Variants in MYLK3 observed in about 807,000 individuals in gnomAD.
The protein encoded by MYLK3 is MLC kinase.
In MYLK3, 55 loss-of-function variants were observed where a neutral mutation model predicts 76.3. The ratio of observed to expected loss-of-function variants is 0.72; its 90% CI spans 0.58 to 0.90. MYLK3 has a LOEUF of 0.90. MYLK3 is among the 40% of genes least tolerant of loss of function. The pLI, the probability that MYLK3 is intolerant of heterozygous loss-of-function variation, is 0.00. For missense variants in MYLK3, 973 were observed against 1,053.6 expected, an observed-to-expected ratio of 0.92 and a Z score of 1.06; for synonymous variants, 416 against 425.4, an observed-to-expected ratio of 0.98 and a Z score of 0.27.
chr16:46,755,563 T>G (rs528133743), intron 1 of MYLK3, among the ~76,000 whole-genome samples: 1 of 149,750 alleles, frequency 6.7e-6, no homozygotes, highest in Non-Finnish European at 1.5e-5. Flanking sequence ...GGAAAAAGAG[T>G]GTACAATAGA....
At chr16:46,717,718 A>G (rs1966758512) in intron 9 of MYLK3, among the ~76,000 whole-genome samples, 1 of 151,902 alleles carries the variant, frequency 6.6e-6, no homozygotes, top group Non-Finnish European at 1.5e-5. Flanking sequence ...TAATTAGCAA[A>G]CCCTGGCAAA....
At chr16:46,719,437 C>T (rs140387032) in intron 9 of MYLK3, among the ~76,000 whole-genome samples, 73 of 152,190 alleles carry the variant, frequency 4.8e-4, no homozygotes, top group African/African-American at 1.6e-3. Context: ...GCCATGTTTA[C>T]GAACTGAGGA....
Position 46,732,528 on chromosome 16 carries a change from C to A in MYLK3, c.1142G>T (p.Cys381Phe), listed in dbSNP as rs1486288890. 4 of 1,603,662 alleles carry A rather than the reference C, an allele frequency of 2.5e-6. No homozygotes were observed. Among genetic ancestry groups the A allele is most frequent in the East Asian group, 4.5e-5 (2 of 44,856 alleles). ...GKQGPPGTGR[C>F]LQAPGTEPGE... is the part of the protein sequence containing the mutation. Reference sequence around the variant, plus strand: ...GGGCTCAGTCCCAGGGGCTTGGAGGCAGCGCCCGGTCCCAGGTGGGCCCTG... The same window carrying A: ...GGGCTCAGTCCCAGGGGCTTGGAGGAAGCGCCCGGTCCCAGGTGGGCCCTG... Residue 381 changes from cysteine to phenylalanine, a missense_variant, in exon 4 of 13, where the codon TGC becomes TTC. Physicochemically the swap from Cys to Phe is radical, Grantham distance 205. This residue lies in a region of MYLK3 where 641 missense variants were observed against 637.0 expected (regional missense o/e 1.01). Transcript: ENST00000394809.
chr16:46,744,857 T>C (rs1966996688), intron 1 of MYLK3, among the ~76,000 whole-genome samples: 1 of 152,040 alleles, frequency 6.6e-6, no homozygotes. Flanking sequence ...ATAAACAAAG[T>C]TATTCACTTT....
chr16:46,741,968 G>T (rs542250695), intron 1 of MYLK3, among the ~76,000 whole-genome samples: 38 of 152,066 alleles, frequency 2.5e-4, no homozygotes, highest in Non-Finnish European at 4.4e-4. Context: ...ATAGAGACAA[G>T]GTACTCACTT....
chr16:46,744,357 AAG>A (rs1966985875), intron 1 of MYLK3, among the ~76,000 whole-genome samples: 1 of 3,896 alleles, frequency 2.6e-4, no homozygotes, highest in African/African-American at 7.4e-4. Flanking sequence ...TTTTTTTTTT[AAG>A]ATGGTGTTTT....
chr16:46,708,266 CTTA>C (rs1404799540), intron 12 of MYLK3, among the ~76,000 whole-genome samples: 1 of 152,074 alleles, frequency 6.6e-6, no homozygotes, highest in African/African-American at 2.4e-5. Context: ...AGAACAGTGT[CTTA>C]TTTTTATTTT....
Position 46,747,742 on chromosome 16 carries a change from C to T in MYLK3, c.452G>A (p.Gly151Asp). 6.2e-7 allele frequency: 1 copy of T among 1,613,966 alleles called. No individual in the cohort carries two copies. The highest frequency in any genetic ancestry group is 8.5e-7 in the Non-Finnish European group (1 of 1,179,968). Residue 151 changes from glycine to aspartate, a missense_variant, in exon 1 of 13, where the codon GGC (glycine) becomes GAC (aspartate). Transcript: ENST00000394809. ...LMQGRVPWRR[G>D]SPGDSPEENK... ...CTCCTCAGGGCTGTCACCTGGGCTG[C>T]CTCTCCTCCAGGGCACACGCCCCTG...
intron 1 of MYLK3, chr16:46,757,583 G>A (rs964800551): frequency 4.1e-5 from 40 of 985,322 alleles, no homozygotes; most frequent in South Asian, 4.7e-5. Context: ...CGCCCGGAGC[G>A]CTGGGAATGA....
At chr16:46,735,162 C>T (rs907118796) in intron 3 of MYLK3, among the ~76,000 whole-genome samples, 6 of 151,416 alleles carry the variant, frequency 4.0e-5, no homozygotes, top group Non-Finnish European at 8.8e-5. Flanking sequence ...AGGAGGGGGG[C>T]GCTAAGATGT....
chr16:46,720,972 G>T, intron 9 of MYLK3, 151 bp downstream of exon 9: 1 of 715,478 alleles, frequency 1.4e-6, no homozygotes, highest in Non-Finnish European at 2.5e-6. Context: ...AGGCCTGTCT[G>T]CAAGTCAAAG....
Position 46,748,078 on chromosome 16 carries a change from A to G in MYLK3, c.116T>C (p.Leu39Pro). 1 of 1,614,232 alleles carries G rather than the reference A, an allele frequency of 6.2e-7. No homozygotes were observed. ...TGTGACATCTTCTTGGAAGTGCAGG[A>G]GCTGGTCCACCTTCTCGTTCAGCAT... Reference protein sequence around the residue: ...LNMLNEKVDQLLHFQEDVTEK... With the variant: ...LNMLNEKVDQPLHFQEDVTEK... Residue 39 changes from leucine to proline, a missense_variant, in exon 1 of 13, where the codon CTC becomes CCC. Physicochemically the swap from Leu to Pro is moderately conservative, Grantham distance 98. This residue lies in a region of MYLK3 where 641 missense variants were observed against 637.0 expected (regional missense o/e 1.01). Coordinates refer to ENST00000394809, the MANE Select transcript of MYLK3 (RefSeq NM_182493.3). This position sits in a 1 kb window ranked among gnomAD's most constrained non-coding sequence, Gnocchi z 4.3.
chr16:46,732,108 T>C, intron 4 of MYLK3, 100 bp downstream of exon 4: 1 of 1,043,736 alleles, frequency 9.6e-7, no homozygotes, highest in Non-Finnish European at 1.4e-6. Flanking sequence ...CAGACTCATA[T>C]GATCTACCCC....
chr16:46,739,112 A>G (rs1047464281), intron 2 of MYLK3, among the ~76,000 whole-genome samples: 2 of 152,136 alleles, frequency 1.3e-5, no homozygotes, highest in African/African-American at 4.8e-5. Flanking sequence ...AAGTGCTGGG[A>G]TTACAGGTGT....
chr16:46,742,887 G>C (rs56062411), intron 1 of MYLK3, among the ~76,000 whole-genome samples: 1 of 152,186 alleles, frequency 6.6e-6, no homozygotes, highest in African/African-American at 2.4e-5. Context: ...CCGGAGCTGG[G>C]GGAACTGGAG....
At chr16:46,759,041 C>A (rs1041116367) in intron 1 of MYLK3, among the ~76,000 whole-genome samples, 1 of 152,238 alleles carries the variant, frequency 6.6e-6, no homozygotes, top group Non-Finnish European at 1.5e-5. Context: ...GGGAGTAAAA[C>A]CAAAGTGCAA....
At chr16:46,750,123 G>A (rs375159046), upstream of MYLK3, among the ~76,000 whole-genome samples, 88 of 152,284 alleles carry the variant, frequency 5.8e-4, no homozygotes, top group African/African-American at 1.9e-3. Context: ...TCCCCCACCC[G>A]ACCAGGGCAG....
At chr16:46,714,916 T>C (rs1350351270) in intron 9 of MYLK3, among the ~76,000 whole-genome samples, 1 of 152,212 alleles carries the variant, frequency 6.6e-6, no homozygotes, top group Non-Finnish European at 1.5e-5. Context: ...TATTTGTTTT[T>C]GTTGTTGTTT....
chr16:46,731,131 A>G (rs1355346321), intron 4 of MYLK3, among the ~76,000 whole-genome samples: 3 of 152,228 alleles, frequency 2.0e-5, no homozygotes, highest in Non-Finnish European at 4.4e-5. Context: ...AGCTGGAGAA[A>G]TAAACATCCA....
Sources: allele counts gnomAD v4.1 joint callset (sites outside exome capture counted in the v4.1 genomes callset), GRCh38; gene constraint gnomAD v4.1.1; regional missense constraint gnomAD v4.1.1; non-coding constraint Gnocchi (gnomAD v3.1); transcripts MANE v1.5; gene names NCBI Gene and HGNC (gene_info 2026-07-23, HGNC 2026-07-21).